Variants in ABLIM3 observed in about 807,000 individuals in gnomAD.
ABLIM3 encodes the protein actin-binding LIM protein 3.
ABLIM3 carries 61 observed loss-of-function variants against 109.5 expected under a neutral mutation model. That is an observed-to-expected ratio of 0.56 (90% CI 0.45 to 0.69). The LOEUF is 0.69. Ranked by LOEUF, ABLIM3 falls within the 30% of genes least tolerant of loss-of-function variation. ABLIM3 has a pLI of 0.00. For synonymous variants in ABLIM3, 300 were observed against 324.8 expected, an observed-to-expected ratio of 0.92 and a Z score of 0.82; for missense variants, 796 against 889.5, an observed-to-expected ratio of 0.89 and a Z score of 1.34.
At chr5:149,156,189 A>G (rs1161569458) in intron 2 of ABLIM3, among the ~76,000 whole-genome samples, 1 of 152,248 alleles carries the variant, frequency 6.6e-6, no homozygotes, top group African/African-American at 2.4e-5. Context: ...AAACTAGGTT[A>G]TTGACCAAAC....
At chr5:149,217,835 A>T (rs1760251933) in intron 8 of ABLIM3, 1 of 152,210 alleles carries the variant, frequency 6.6e-6, no homozygotes, top group Admixed American at 6.5e-5. Context: ...ACTTTTGATC[A>T]TTTATTCATC....
chr5:149,178,177 A>C (rs1202738470), intron 2 of ABLIM3, among the ~76,000 whole-genome samples: 1 of 152,112 alleles, frequency 6.6e-6, no homozygotes, highest in African/African-American at 2.4e-5. Flanking sequence ...AGATCCTCTC[A>C]TGTACAAGCC....
At position 149,247,900 on chromosome 5, in the gene ABLIM3, C is replaced by T; in HGVS notation, c.1670C>T (p.Thr557Ile). Reference protein sequence around the residue: ...SSTSSREALHTAGYEMSLNGS... With the variant: ...SSTSSREALHIAGYEMSLNGS... ...ACCAGCAGCCGGGAAGCCCTGCACA[C>T]AGCTGGCTATGAGATGTCCCTCAAT... Residue 557 changes from threonine (T) to isoleucine (I), a missense_variant, in exon 18 of 24, where the codon ACA becomes ATA. Transcript: ENST00000309868. 1 of 1,614,216 alleles carries T rather than the reference C, an allele frequency of 6.2e-7. No individual in the cohort carries two copies. Among genetic ancestry groups the T allele is most frequent in the Non-Finnish European group, 8.5e-7 (1 of 1,180,038 alleles).
intron 10 of ABLIM3, among the ~76,000 whole-genome samples, chr5:149,234,380 T>C (rs1762151757): frequency 6.6e-6 from 1 of 152,064 alleles, no homozygotes; most frequent in South Asian, 2.1e-4. Context: ...GGGAAAATGG[T>C]CTGTAACAAG....
chr5:149,234,202 G>A (rs377632288), intron 10 of ABLIM3, among the ~76,000 whole-genome samples: 11 of 152,292 alleles, frequency 7.2e-5, no homozygotes, highest in East Asian at 5.8e-4. Flanking sequence ...AAGGCATCCC[G>A]AGGAAGAAAC....
intron 8 of ABLIM3, chr5:149,220,641 A>G: frequency 6.6e-6 from 1 of 152,210 alleles, no homozygotes. Flanking sequence ...ATTCAATATG[A>G]TATCCCCCAG....
In ABLIM3 at chr5:149,142,037, AT is replaced by A; in HGVS notation, c.-56del. ...ATGAGTGAGGTTCGAAGAACGGAAGATTTAAAAAGCAGCCGGGGCCTCCGTA... is the reference window on the plus strand; with the variant it reads ...ATGAGTGAGGTTCGAAGAACGGAAGATTAAAAAGCAGCCGGGGCCTCCGTA... On this transcript the variant is annotated 5_prime_UTR_variant, in exon 2 of 24. An upstream open reading frame in the 5' UTR gains an earlier in-frame stop. Coordinates refer to ENST00000309868, the MANE Select transcript of ABLIM3 (RefSeq NM_014945.5). 3 of 1,612,822 alleles carry A rather than the reference AT, an allele frequency of 1.9e-6. No homozygotes were observed. In the Middle Eastern group the frequency reaches 4.9e-4, roughly 266 times the overall value.
At chr5:149,237,180 G>C (rs565546537) in intron 10 of ABLIM3, among the ~76,000 whole-genome samples, 2 of 152,284 alleles carry the variant, frequency 1.3e-5, no homozygotes, top group African/African-American at 4.8e-5. Context: ...ACTTCACAGA[G>C]GCATTACAAC....
intron 23 of ABLIM3, among the ~76,000 whole-genome samples, chr5:149,255,458 C>G (rs913790409): frequency 1.3e-5 from 2 of 151,990 alleles, no homozygotes; most frequent in African/African-American, 4.8e-5. Context: ...ATAAATGACA[C>G]CATGTGTTAG....
Position 149,230,642 on chromosome 5 carries a change from C to A in ABLIM3, c.758-7C>A. The A allele has an allele frequency of 1.2e-6, 2 of 1,613,868 alleles. No individual in the cohort carries two copies. Among genetic ancestry groups the A allele is most frequent in the Non-Finnish European group, 8.5e-7 (1 of 1,179,894 alleles). On this transcript the variant is annotated splice_polypyrimidine_tract_variant and splice_region_variant and intron_variant, in intron 8 of 23. Transcript: ENST00000309868. ...TCTGAGTCTTCGTTATTTTCATGAC[C>A]CCTTAGGTTCCGAGGTTTGGCACCC...
chr5:149,256,607 T>C (rs899150532), intron 23 of ABLIM3, among the ~76,000 whole-genome samples: 5 of 152,264 alleles, frequency 3.3e-5, no homozygotes, highest in African/African-American at 1.2e-4. Flanking sequence ...TTAGATTTTC[T>C]TGAGTTTACT....
chr5:149,205,611 A>G (rs1758891848), intron 5 of ABLIM3, among the ~76,000 whole-genome samples: 1 of 152,174 alleles, frequency 6.6e-6, no homozygotes, highest in Non-Finnish European at 1.5e-5. Flanking sequence ...CTGGAGTCTA[A>G]TTATTGGGCA....
intron 6 of ABLIM3, among the ~76,000 whole-genome samples, chr5:149,207,389 C>T (rs1006516433): frequency 6.6e-6 from 1 of 152,190 alleles, no homozygotes; most frequent in Admixed American, 6.5e-5. Flanking sequence ...TCTCGGTCCC[C>T]ATGCCTTCCC....
At chr5:149,152,331 A>C (rs1425547264) in intron 2 of ABLIM3, among the ~76,000 whole-genome samples, 1 of 152,212 alleles carries the variant, frequency 6.6e-6, no homozygotes, top group Admixed American at 6.5e-5. Flanking sequence ...CTTCACACAG[A>C]GATGTGGAAG....
intron 2 of ABLIM3, among the ~76,000 whole-genome samples, chr5:149,166,461 T>C (rs2127454121): frequency 6.6e-6 from 1 of 152,338 alleles, no homozygotes; most frequent in South Asian, 2.1e-4. Context: ...TTTTCTCCTG[T>C]ATGTTCCATC....
In ABLIM3 at chr5:149,237,510, T is replaced by C. The variant is rs1354197801; in HGVS notation, c.951T>C (p.Ser317=). The change falls in exon 11 of 24, where the codon TCT becomes TCC. Residue 317 remains serine (S), a synonymous_variant. Coordinates refer to ENST00000309868, the MANE Select transcript of ABLIM3 (RefSeq NM_014945.5). ...TGGCGGCTCTCCCCAAGGTTAAGTC[T>C]ATCTACGAGGTACAACGCCCCGACC... The part of the protein sequence containing the change: ...KDLAALPKVK[S]IYEVQRPDLI... 5.6e-6 allele frequency: 9 copies of C among 1,614,112 alleles called. No homozygotes were observed. Among genetic ancestry groups the C allele is most frequent in the African/African-American group, 1.3e-5 (1 of 74,930 alleles).
intron 20 of ABLIM3, among the ~76,000 whole-genome samples, chr5:149,251,127 A>T (rs765442707): frequency 6.6e-6 from 1 of 152,230 alleles, no homozygotes; most frequent in Non-Finnish European, 1.5e-5. Flanking sequence ...CAATGAAAGA[A>T]AGCATGAAGT....
At chr5:149,147,069 T>TTCTCTCTCTCTCTCTCTCTCTCTC (rs200724498) in intron 2 of ABLIM3, among the ~76,000 whole-genome samples, 1 of 148,646 alleles carries the variant, frequency 6.7e-6, no homozygotes, top group African/African-American at 2.5e-5. Context: ...CTCTCTCTCT[T>TTCTCTCTCTCTCTCTCTCTCTCTC]TCTCTCTCTC....
chr5:149,163,376 T>C (rs1168391052), intron 2 of ABLIM3, among the ~76,000 whole-genome samples: 1 of 151,622 alleles, frequency 6.6e-6, no homozygotes, highest in East Asian at 1.9e-4. Context: ...CTTTATGCTA[T>C]TTAAAATAAT....
Sources: allele counts gnomAD v4.1 joint callset (sites outside exome capture counted in the v4.1 genomes callset), GRCh38; gene constraint gnomAD v4.1.1; transcripts MANE v1.5; gene names NCBI Gene and HGNC (gene_info 2026-07-23, HGNC 2026-07-21).